The following CLASP1 variants were observed in gnomAD, a reference collection of about 807,000 sequenced individuals.
CLASP1 encodes the protein CLIP-associating protein 1.
A neutral mutation model predicts 192.3 loss-of-function variants in CLASP1; 38 were observed. The observed-to-expected ratio is 0.20, with a 90% CI of 0.15 to 0.26. CLASP1 has a LOEUF of 0.26. Ranked by LOEUF, CLASP1 falls within the 10% of genes least tolerant of loss-of-function variation. CLASP1 has a pLI of 1.00. For synonymous variants in CLASP1, 691 were observed against 712.8 expected (o/e 0.97, Z 0.49); for missense variants, 1,433 against 1,932.5 (o/e 0.74, Z 4.85).
chr2:121,569,797 C>T (rs1004446005), intron 2 of CLASP1, among the ~76,000 whole-genome samples: 16 of 151,944 alleles, frequency 1.1e-4, no homozygotes, highest in Non-Finnish European at 1.3e-4. Flanking sequence ...GCCAAGATTG[C>T]AGCACTGCAC....
At chr2:121,564,040 T>C (rs1446680149) in intron 2 of CLASP1, among the ~76,000 whole-genome samples, 1 of 152,158 alleles carries the variant, frequency 6.6e-6, no homozygotes, top group Non-Finnish European at 1.5e-5. Context: ...CTATTCACTA[T>C]CACAAGAACA....
chr2:121,478,741 C>A (rs867390119), intron 8 of CLASP1, among the ~76,000 whole-genome samples: 108 of 51,312 alleles, frequency 2.1e-3, no homozygotes, highest in East Asian at 2.8e-3. Context: ...ACACACACAC[C>A]CCACACACAC....
chr2:121,391,858 C>T (rs936613800), intron 30 of CLASP1, among the ~76,000 whole-genome samples: 1 of 152,028 alleles, frequency 6.6e-6, no homozygotes, highest in Admixed American at 6.6e-5. Context: ...GAGCCGAGAT[C>T]GTGCCACTGT....
Position 121,448,947 on chromosome 2 carries a change from T to C in CLASP1, c.1691+6A>G. ...CATGAATGATAAGCAAAGATGAATC[T>C]CTTACTTTAGACTCTCTTGAGAGCT... is the stretch of plus-strand genomic sequence containing the variant. On this transcript the variant is annotated splice_donor_region_variant and intron_variant, in intron 17 of 39. Coordinates refer to ENST00000263710, the Ensembl canonical transcript of CLASP1. 6.2e-7 allele frequency: 1 copy of C among 1,609,188 alleles called. No homozygotes were observed. The highest frequency in any genetic ancestry group is 8.5e-7 in the Non-Finnish European group (1 of 1,178,126).
intron 39 of CLASP1, among the ~76,000 whole-genome samples, chr2:121,344,585 C>T (rs1013623578): frequency 6.6e-6 from 1 of 152,116 alleles, no homozygotes; most frequent in Non-Finnish European, 1.5e-5. Context: ...CCCGCCTCGG[C>T]CTCCCAAAGT....
intron 2 of CLASP1, among the ~76,000 whole-genome samples, chr2:121,559,499 A>G (rs1183794029): frequency 6.6e-6 from 1 of 152,238 alleles, no homozygotes; most frequent in Non-Finnish European, 1.5e-5. Context: ...ATTTGGCAAT[A>G]AAAAGAAATT....
At chr2:121,614,350 G>GC (rs2066112597) in intron 1 of CLASP1, among the ~76,000 whole-genome samples, 1 of 152,112 alleles carries the variant, frequency 6.6e-6, no homozygotes, top group African/African-American at 2.4e-5. Context: ...ATAAAAACTA[G>GC]CCAGGCGTGG....
intron 7 of CLASP1, among the ~76,000 whole-genome samples, chr2:121,506,812 T>C (rs1212995050): frequency 1.3e-5 from 2 of 152,214 alleles, no homozygotes; most frequent in East Asian, 3.9e-4. Context: ...CTCTGTTCAA[T>C]CATTAGCTCA....
At chr2:121,503,193 G>A (rs370412928) in exon 8 of CLASP1, 22 of 1,550,438 alleles carry the variant, frequency 1.4e-5, no homozygotes, top group Non-Finnish European at 1.8e-5. Context: ...CATGTTTCCA[G>A]ATTTCTGGAC....
intron 14 of CLASP1, among the ~76,000 whole-genome samples, chr2:121,452,513 G>A (rs1412149075): frequency 2.0e-5 from 3 of 152,068 alleles, no homozygotes; most frequent in African/African-American, 7.3e-5. Context: ...TTTTCTGGCC[G>A]GGCACAGTGG....
At position 121,421,526 on chromosome 2, in the gene CLASP1, G is replaced by A. The variant is rs145480976; in HGVS notation, c.2213-2797C>T. Among the ~76,000 whole-genome samples, 680 of 152,144 alleles carry A rather than the reference G, an allele frequency of 4.5e-3. 15 individuals carry two copies. Among genetic ancestry groups the A allele is most frequent in the Middle Eastern group, 3.4e-3 (1 of 294 alleles). ...GCCTTCCAAAGTGCTAGGATTACAGGTGTGAGCCACTGTGCCCAGCCTATT... is the reference window on the plus strand; with the variant it reads ...GCCTTCCAAAGTGCTAGGATTACAGATGTGAGCCACTGTGCCCAGCCTATT... On this transcript the variant is annotated intron_variant, in intron 22 of 39. Transcript: ENST00000263710.
At chr2:121,361,533 G>A (rs1185360997) in intron 37 of CLASP1, among the ~76,000 whole-genome samples, 1 of 152,110 alleles carries the variant, frequency 6.6e-6, no homozygotes, top group Non-Finnish European at 1.5e-5. Context: ...CCGTGGCCCA[G>A]GATGGTTTTG....
intron 8 of CLASP1, among the ~76,000 whole-genome samples, chr2:121,478,644 C>CA (rs2091969408): frequency 2.1e-5 from 2 of 95,344 alleles, no homozygotes; most frequent in Admixed American, 9.7e-5. Context: ...CACACACACA[C>CA]CCCCCACACA....
chr2:121,396,564 T>C (rs1408859202), intron 30 of CLASP1, among the ~76,000 whole-genome samples: 2 of 152,212 alleles, frequency 1.3e-5, no homozygotes, highest in African/African-American at 4.8e-5. Flanking sequence ...GGAGTGGGTA[T>C]TATGATCAAA....
At chr2:121,628,013 C>A (rs896756602) in intron 1 of CLASP1, among the ~76,000 whole-genome samples, 1 of 152,200 alleles carries the variant, frequency 6.6e-6, no homozygotes, top group African/African-American at 2.4e-5. Context: ...ACTATTCAAT[C>A]ATATTTCAAG....
intron 2 of CLASP1, among the ~76,000 whole-genome samples, chr2:121,549,706 CAAA>C (rs57551536): frequency 5.7e-5 from 4 of 70,630 alleles, no homozygotes; most frequent in South Asian, 4.5e-4. Flanking sequence ...CAATCCTCTG[CAAA>C]AAAAAAAAAA....
chr2:121,464,474 T>G (rs1020077690), intron 9 of CLASP1, among the ~76,000 whole-genome samples: 6 of 152,144 alleles, frequency 3.9e-5, no homozygotes, highest in African/African-American at 1.4e-4. Flanking sequence ...AGTGTAAAAG[T>G]GTTCCTATTT....
chr2:121,539,552 T>C (rs2095181665), intron 2 of CLASP1, among the ~76,000 whole-genome samples: 1 of 152,060 alleles, frequency 6.6e-6, no homozygotes. Context: ...GAAAATAACA[T>C]AATAGCTTCA....
At chr2:121,348,347 G>A (rs529523581) in intron 38 of CLASP1, among the ~76,000 whole-genome samples, 165 bp downstream of exon 39, 5 of 152,332 alleles carry the variant, frequency 3.3e-5, no homozygotes, top group African/African-American at 7.2e-5. Flanking sequence ...GCTGGAAGCC[G>A]ACAGAGGAGG....
Sources: gnomAD v4.1 joint callset for allele counts (sites outside exome capture counted in the v4.1 genomes callset) on GRCh38, gnomAD v4.1.1 for gene constraint, MANE v1.5 for transcripts, NCBI Gene and HGNC (gene_info 2026-07-23, HGNC 2026-07-21) for gene names.